Variants in SLC8A1 observed in about 807,000 individuals in gnomAD.
SLC8A1 encodes solute carrier family 8 member A1.
SLC8A1 carries 18 observed loss-of-function variants against 68.3 expected under a neutral mutation model. That is an observed-to-expected ratio of 0.26 (90% CI 0.18 to 0.39). The LOEUF (loss-of-function observed/expected upper bound fraction) is 0.39. SLC8A1 is among the 10% of genes least tolerant of loss of function. The pLI, the probability that SLC8A1 is intolerant of heterozygous loss-of-function variation, is 1.00. For missense variants in SLC8A1, 985 were observed against 1,156.7 expected (o/e 0.85, Z 2.15); for synonymous variants, 475 against 415.5 (o/e 1.14, Z -1.74).
At chr2:40,166,377 T>A (rs1320536556) in intron 4 of SLC8A1, among the ~76,000 whole-genome samples, 2 of 152,336 alleles carry the variant, frequency 1.3e-5, no homozygotes, top group East Asian at 3.9e-4. Context: ...TATTGATTAA[T>A]TCTTTAGTAT....
At chr2:40,229,547 T>C (rs777836905) in intron 2 of SLC8A1, among the ~76,000 whole-genome samples, 3 of 152,204 alleles carry the variant, frequency 2.0e-5, no homozygotes, top group Non-Finnish European at 4.4e-5. Flanking sequence ...AAAGTTGATA[T>C]TGTTTGCAAG....
At chr2:40,406,094 G>A (rs1162957547) in intron 2 of SLC8A1, among the ~76,000 whole-genome samples, 1 of 152,090 alleles carries the variant, frequency 6.6e-6, no homozygotes, top group Non-Finnish European at 1.5e-5. Flanking sequence ...GTTAATATTG[G>A]ATTCATTTGT....
At chr2:40,200,424 A>G (rs765330124) in intron 2 of SLC8A1, among the ~76,000 whole-genome samples, 6 of 147,786 alleles carry the variant, frequency 4.1e-5, no homozygotes, top group Non-Finnish European at 6.0e-5. Flanking sequence ...TATGATTCCA[A>G]TGCTTAAGAG....
chr2:40,306,136 A>C (rs991237075), intron 2 of SLC8A1, among the ~76,000 whole-genome samples: 1 of 152,250 alleles, frequency 6.6e-6, no homozygotes, highest in Admixed American at 6.5e-5. Flanking sequence ...AAGGCAAACC[A>C]GTAAGCAGAT....
At chr2:40,448,213 C>T (rs896491635) in intron 1 of SLC8A1, among the ~76,000 whole-genome samples, 6 of 151,980 alleles carry the variant, frequency 3.9e-5, no homozygotes, top group East Asian at 1.9e-4. Flanking sequence ...TTGTGTAAAA[C>T]GTATTTTGTA....
chr2:40,164,482 T>C (rs1425406599), intron 5 of SLC8A1, among the ~76,000 whole-genome samples: 1 of 152,194 alleles, frequency 6.6e-6, no homozygotes, highest in African/African-American at 2.4e-5. Flanking sequence ...AATGCCTTGC[T>C]CTGACAGATT....
chr2:40,374,989 C>T (rs1679332181), intron 2 of SLC8A1, among the ~76,000 whole-genome samples: 1 of 151,964 alleles, frequency 6.6e-6, no homozygotes, highest in South Asian at 2.1e-4. Flanking sequence ...AAAGGTAATT[C>T]CAGAGTAATA....
intron 1 of SLC8A1, among the ~76,000 whole-genome samples, chr2:40,502,933 G>A (rs922411659): frequency 9.2e-5 from 14 of 151,840 alleles, no homozygotes; most frequent in South Asian, 2.1e-4. Context: ...CTAAAAGCTC[G>A]AGCAATAGCA....
At chr2:40,360,965 T>G (rs895826461) in intron 2 of SLC8A1, among the ~76,000 whole-genome samples, 1 of 152,128 alleles carries the variant, frequency 6.6e-6, no homozygotes, top group African/African-American at 2.4e-5. Flanking sequence ...AAAAAGAGCC[T>G]GTAGATCTCG....
At position 40,256,394 on chromosome 2, in the gene SLC8A1, C is replaced by T. The variant is rs1035257215; in HGVS notation, c.1809-78539G>A. ...TTTCATGAATTCAAGAATGTATGAT[C>T]ATTATGATGTATACATATACACATA... On this transcript the variant is annotated intron_variant, in intron 2 of 7. Coordinates refer to ENST00000406785, the Ensembl canonical transcript of SLC8A1. Among the ~76,000 whole-genome samples the T allele has an allele frequency of 5.9e-5, 9 of 152,196 alleles. No homozygotes were observed. In the East Asian group the frequency reaches 1.7e-3, roughly 29 times the overall value.
chr2:40,509,968 C>A (rs1706613056), intron 1 of SLC8A1, among the ~76,000 whole-genome samples: 1 of 152,008 alleles, frequency 6.6e-6, no homozygotes, highest in Non-Finnish European at 1.5e-5. Flanking sequence ...GCTGGGATTA[C>A]AGGCATGCAC....
intron 2 of SLC8A1, among the ~76,000 whole-genome samples, chr2:40,410,401 C>T (rs1490916842): frequency 1.3e-5 from 2 of 151,960 alleles, no homozygotes; most frequent in Non-Finnish European, 2.9e-5. Flanking sequence ...CAGATAGTGA[C>T]TGGTAAAAGA....
At chr2:40,136,206 G>GT (rs1446859451) in intron 7 of SLC8A1, among the ~76,000 whole-genome samples, 2 of 152,060 alleles carry the variant, frequency 1.3e-5, no homozygotes, top group Admixed American at 1.3e-4. Flanking sequence ...GGAAGAGGAG[G>GT]CCCTTTCTCT....
exon 8 of SLC8A1, chr2:40,113,233 A>G (rs1218587920): frequency 6.6e-6 from 1 of 152,600 alleles, no homozygotes; most frequent in Non-Finnish European, 1.5e-5. Flanking sequence ...AGAAGAAAAA[A>G]TAAGTCTCAA....
At chr2:40,226,784 G>C (rs2059035744) in intron 2 of SLC8A1, among the ~76,000 whole-genome samples, 1 of 152,180 alleles carries the variant, frequency 6.6e-6, no homozygotes, top group South Asian at 2.1e-4. Flanking sequence ...TTACTTGGTA[G>C]CTTTTAGTAT....
At chr2:40,370,073 G>A (rs1352019651) in intron 2 of SLC8A1, among the ~76,000 whole-genome samples, 2 of 152,068 alleles carry the variant, frequency 1.3e-5, no homozygotes, top group African/African-American at 4.8e-5. Context: ...AGGGAGACAT[G>A]GCATTTTAAT....
intron 2 of SLC8A1, among the ~76,000 whole-genome samples, chr2:40,408,002 C>A (rs1031248717): frequency 1.1e-4 from 16 of 152,190 alleles, no homozygotes; most frequent in Admixed American, 2.0e-4. Context: ...TTAGGCATCA[C>A]AGAGCATATC....
At chr2:40,419,006 C>G (rs1276887297) in intron 2 of SLC8A1, among the ~76,000 whole-genome samples, 1 of 152,192 alleles carries the variant, frequency 6.6e-6, no homozygotes, top group Non-Finnish European at 1.5e-5. Flanking sequence ...AAAGAAGGCA[C>G]AGAGAGGCTT....
At chr2:40,278,231 G>A (rs2067022673) in intron 2 of SLC8A1, among the ~76,000 whole-genome samples, 2 of 152,102 alleles carry the variant, frequency 1.3e-5, no homozygotes, top group African/African-American at 4.8e-5. Context: ...AGCACTTTGG[G>A]AGGCCGAGGC....
Sources: allele counts gnomAD v4.1 joint callset (sites outside exome capture counted in the v4.1 genomes callset), GRCh38; gene constraint gnomAD v4.1.1; transcripts MANE v1.5; gene names NCBI Gene and HGNC (gene_info 2026-07-23, HGNC 2026-07-21).